Variants in CCDC9 observed in about 807,000 individuals in gnomAD.
CCDC9 encodes the protein coiled-coil domain containing 9, also known as coiled-coil domain-containing protein 9.
CCDC9 carries 52 observed loss-of-function variants against 65.6 expected under a neutral mutation model. The ratio of observed to expected loss-of-function variants is 0.79; its 90% CI spans 0.63 to 1.00. CCDC9 has a LOEUF of 1.00. Ranked by LOEUF, CCDC9 falls within the 50% of genes least tolerant of loss-of-function variation. The pLI is 0.00. For missense variants in CCDC9, 834 were observed against 757.2 expected, an observed-to-expected ratio of 1.10 and a Z score of -1.19; for synonymous variants, 332 against 280.3, an observed-to-expected ratio of 1.18 and a Z score of -1.84.
downstream of CCDC9, among the ~76,000 whole-genome samples, chr19:47,274,160 T>C (rs1427273152): frequency 1.3e-5 from 2 of 152,034 alleles, no homozygotes; most frequent in African/African-American, 2.4e-5. Context: ...AGGGGCGCGA[T>C]TGCGGTGAGG....
chr19:47,266,891 G>A, intron 8 of CCDC9, 99 bp downstream of exon 8: 1 of 1,373,184 alleles, frequency 7.3e-7, no homozygotes, highest in Non-Finnish European at 9.9e-7. Flanking sequence ...CTGTGTATGA[G>A]TGAGTGACTG....
intron 1 of CCDC9, among the ~76,000 whole-genome samples, chr19:47,257,225 T>G (rs1332037112): frequency 7.8e-6 from 1 of 128,320 alleles, no homozygotes; most frequent in East Asian, 2.2e-4. Flanking sequence ...TGGGAGGGAG[T>G]CAGGGGGCGT....
In CCDC9 at chr19:47,260,618, C is replaced by A; in HGVS notation, c.241C>A (p.Pro81Thr). The change falls in exon 5 of 12, where the codon CCT becomes ACT. Residue 81 changes from proline (P) to threonine (T), a missense_variant. By Grantham distance (38) the Pro-to-Thr change is conservative (BLOSUM62 -1). Coordinates refer to ENST00000221922, the MANE Select transcript of CCDC9 (RefSeq NM_015603.3). ...EKNLGPSRRS[P>T]GTPRPPGASK... Reference sequence around the variant, plus strand: ...GAACCTGGGTCCTTCCCGGAGGTCTCCTGGGACCCCTCGGCCCCCAGGGGC... The same window carrying A: ...GAACCTGGGTCCTTCCCGGAGGTCTACTGGGACCCCTCGGCCCCCAGGGGC... 6.6e-7 allele frequency: 1 copy of A among 1,525,358 alleles called. No homozygotes were observed. Among genetic ancestry groups the A allele is most frequent in the Non-Finnish European group, 8.7e-7 (1 of 1,145,932 alleles). The allele number at this position is 1,525,358 out of a possible 1,614,324, so 94.5% of individuals were successfully genotyped here. A position where few individuals can be genotyped will look rare whatever the true frequency, so the allele number is the denominator to read the frequency against.
At position 47,271,639 on chromosome 19, in the gene CCDC9, C is replaced by T; in HGVS notation, c.1557C>T (p.Ala519=). 6.2e-7 allele frequency: 1 copy of T among 1,605,622 alleles called. No homozygotes were observed. The highest frequency in any genetic ancestry group is 2.0e-4 in the Middle Eastern group (1 of 4,920). The part of the protein sequence containing the change: ...NSPRTTHLAG[A]LSPGEAWPFE... ...CCCGGACCACTCACCTGGCTGGCGC[C>T]CTCTCCCCGGGTGAGGCCTGGCCTT... Residue 519 remains alanine (A), a synonymous_variant, in exon 12 of 12, where the codon GCC becomes GCT. Transcript: ENST00000221922.
chr19:47,271,530 C>G lies in CCDC9; in HGVS notation c.1448C>G (p.Pro483Arg). ...PEEPLLEPQA[P>R]GTPSSPFSPP... ...GAGCCCCTGCTGGAGCCCCAGGCCCCTGGCACGCCTTCCAGCCCTTTCTCA... is the reference window on the plus strand; with the variant it reads ...GAGCCCCTGCTGGAGCCCCAGGCCCGTGGCACGCCTTCCAGCCCTTTCTCA... Residue 483 changes from proline (P) to arginine (R), a missense_variant, in exon 12 of 12, where the codon CCT (proline) becomes CGT (arginine). By Grantham distance (103) the Pro-to-Arg change is moderately radical. Coordinates refer to ENST00000221922, the MANE Select transcript of CCDC9 (RefSeq NM_015603.3). The G allele has an allele frequency of 6.2e-7, 1 of 1,613,128 alleles. No homozygotes were observed.
rs35119724 is a variant in CCDC9 at position 47,271,449 on chromosome 19, C to T, written c.1367C>T (p.Ala456Val). 0.015 allele frequency: 24,602 copies of T among 1,613,534 alleles called. 2,953 individuals carry two copies. The African/African-American group carries it at 0.27, about 18-fold the overall frequency. ...CAAGACCACCAAGCCCCAGAGGCTG[C>T]CCCCACCGGGATCCCCTGCAGTGAG... ...PAQDHQAPEA[A>V]PTGIPCSEQA... Residue 456 changes from alanine to valine, a missense_variant, in exon 12 of 12, where the codon GCC becomes GTC. Ala to Val is a moderately conservative substitution (Grantham distance 64). Transcript: ENST00000221922.
chr19:47,274,948 G>C (rs1292994592), downstream of CCDC9: 7 of 1,361,748 alleles, frequency 5.1e-6, no homozygotes, highest in South Asian at 1.8e-5. Flanking sequence ...GTGGGCGGCG[G>C]CGCCGAGAGC....
At chr19:47,268,917 C>CAAA (rs201967697) in intron 8 of CCDC9, among the ~76,000 whole-genome samples, 7 of 139,600 alleles carry the variant, frequency 5.0e-5, no homozygotes, top group South Asian at 2.4e-4. Context: ...GACTCCGTTT[C>CAAA]AAAAAATAAT....
chr19:47,262,748 T>G (rs1438127779), intron 5 of CCDC9, among the ~76,000 whole-genome samples: 1 of 152,168 alleles, frequency 6.6e-6, no homozygotes, highest in African/African-American at 2.4e-5. Flanking sequence ...TTTGCCCATC[T>G]AAAATTTTGT....
intron 5 of CCDC9, among the ~76,000 whole-genome samples, chr19:47,262,585 C>T (rs184917583): frequency 7.2e-5 from 11 of 152,122 alleles, no homozygotes; most frequent in Middle Eastern, 6.8e-3. Flanking sequence ...GCTGGGTTGC[C>T]GACATGGTTG....
chr19:47,257,320 A>C (rs978422692), intron 1 of CCDC9, among the ~76,000 whole-genome samples: 3 of 141,906 alleles, frequency 2.1e-5, no homozygotes, highest in Non-Finnish European at 4.5e-5. Flanking sequence ...TAATAATAAG[A>C]GATGGTAGGG....
chr19:47,273,600 G>GGGCCAGGGCAGTAGTCGGGTGC (rs976269661), downstream of CCDC9: 3 of 401,730 alleles, frequency 7.5e-6, no homozygotes, highest in African/African-American at 2.1e-5. Context: ...GAGCCGGGCG[G>GGGCCAGGGCAGTAGTCGGGTGC]GGCCAGGGCA....
At chr19:47,273,486 G>T (rs549028588), downstream of CCDC9, 1 of 806,906 alleles carries the variant, frequency 1.2e-6, no homozygotes, top group Non-Finnish European at 1.7e-6. Flanking sequence ...CGCGGCCTCC[G>T]CGCTCTGCAC....
At chr19:47,269,224 T>TA (rs1278172553) in intron 8 of CCDC9, among the ~76,000 whole-genome samples, 3 of 152,182 alleles carry the variant, frequency 2.0e-5, no homozygotes, top group African/African-American at 4.8e-5. Flanking sequence ...TTTTTGGAAC[T>TA]AAGAGTGTAG....
At chr19:47,273,137 C>G, downstream of CCDC9, among the ~76,000 whole-genome samples, 1 of 152,130 alleles carries the variant, frequency 6.6e-6, no homozygotes, top group Non-Finnish European at 1.5e-5. Flanking sequence ...TCGCCACACC[C>G]GCGTTTCCTC....
intron 3 of CCDC9, among the ~76,000 whole-genome samples, chr19:47,259,825 G>A (rs1363300848): frequency 1.3e-5 from 2 of 152,286 alleles, no homozygotes; most frequent in East Asian, 3.9e-4. Flanking sequence ...GGGTGCAAAT[G>A]GGATGAGAAC....
In CCDC9 at chr19:47,271,542, C is replaced by T. The variant is rs142763123; in HGVS notation, c.1460C>T (p.Ser487Phe). The change falls in exon 12 of 12, where the codon TCC becomes TTC. Residue 487 changes from serine to phenylalanine, a missense_variant. Ser to Phe is a radical substitution (Grantham distance 155, BLOSUM62 -2). Coordinates refer to ENST00000221922, the MANE Select transcript of CCDC9 (RefSeq NM_015603.3). ...LLEPQAPGTP[S>F]SPFSPPSGHQ... is the part of the protein sequence containing the mutation. ...GAGCCCCAGGCCCCTGGCACGCCTTCCAGCCCTTTCTCACCACCCAGCGGC... is the reference window on the plus strand; with the variant it reads ...GAGCCCCAGGCCCCTGGCACGCCTTTCAGCCCTTTCTCACCACCCAGCGGC... 5.6e-6 allele frequency: 9 copies of T among 1,613,078 alleles called. No homozygotes were observed. In the African/African-American group the frequency reaches 1.1e-4, roughly 19 times the overall value.
downstream of CCDC9, among the ~76,000 whole-genome samples, chr19:47,273,159 G>C (rs984355907): frequency 1.3e-5 from 2 of 152,166 alleles, no homozygotes; most frequent in East Asian, 3.9e-4. Flanking sequence ...ATTGTAAACG[G>C]TTATGTTGGG....
intron 8 of CCDC9, 84 bp downstream of exon 8, chr19:47,266,876 TC>T: frequency 1.3e-6 from 2 of 1,492,888 alleles, no homozygotes; most frequent in Non-Finnish European, 1.8e-6. Context: ...CTCTGGTTTT[TC>T]CTGCTGTGTA....
Sources: gnomAD v4.1 joint callset for allele counts (sites outside exome capture counted in the v4.1 genomes callset) on GRCh38, gnomAD v4.1.1 for gene constraint, MANE v1.5 for transcripts, NCBI Gene and HGNC (gene_info 2026-07-23, HGNC 2026-07-21) for gene names.